CFAP95: variants seen among roughly 807,000 people sequenced by gnomAD.
CFAP95 encodes cilia- and flagella-associated protein 95.
chr9:69,894,198 T>C, the CFAP95 span, among the ~76,000 whole-genome samples: 1 of 152,218 alleles, frequency 6.6e-6, no homozygotes, highest in East Asian at 1.9e-4. Context: ...TTTTATATAG[T>C]TTTATAAACA....
At chr9:69,889,609 G>A in the CFAP95 span, among the ~76,000 whole-genome samples, 6,055 of 152,116 alleles carry the variant, frequency 0.04, 356 homozygotes, top group African/African-American at 0.14. Context: ...CCTCTGAATT[G>A]TTGGGAAGGT....
the CFAP95 span, among the ~76,000 whole-genome samples, chr9:69,846,875 C>T: frequency 3.3e-5 from 5 of 152,180 alleles, no homozygotes; most frequent in Admixed American, 2.6e-4. Context: ...TAGATTAAAC[C>T]AGTATGAGTA....
chr9:69,822,541 A>G, the CFAP95 span, among the ~76,000 whole-genome samples: 3 of 152,216 alleles, frequency 2.0e-5, no homozygotes, highest in Non-Finnish European at 4.4e-5. Flanking sequence ...CAAAACACTT[A>G]GCTCTTCTGT....
At chr9:69,902,914 G>C in the CFAP95 span, among the ~76,000 whole-genome samples, 1 of 151,974 alleles carries the variant, frequency 6.6e-6, no homozygotes, top group African/African-American at 2.4e-5. Context: ...CTGCTCCCTT[G>C]GTTTTGACCC....
the CFAP95 span, among the ~76,000 whole-genome samples, chr9:69,837,536 G>C: frequency 0.025 from 3,783 of 152,290 alleles, 162 homozygotes; most frequent in African/African-American, 0.086. Flanking sequence ...CTTCTTTTGA[G>C]AAGTGTCTGT....
the CFAP95 span, chr9:69,856,691 C>G: frequency 1.3e-6 from 2 of 1,559,758 alleles, no homozygotes; most frequent in Admixed American, 3.5e-5. Flanking sequence ...TAATACTTTT[C>G]TTTACTTTAT....
chr9:69,852,748 C>CT, the CFAP95 span, among the ~76,000 whole-genome samples: 2 of 152,128 alleles, frequency 1.3e-5, no homozygotes, highest in Non-Finnish European at 2.9e-5. Flanking sequence ...CTTGTAGCTC[C>CT]TATAACGTGG....
chr9:69,824,083 G>A, the CFAP95 span, among the ~76,000 whole-genome samples: 2 of 152,238 alleles, frequency 1.3e-5, no homozygotes, highest in African/African-American at 4.8e-5. Context: ...GAGCTCCATA[G>A]GGCAGAAAAG....
chr9:69,858,779 C>T, the CFAP95 span, among the ~76,000 whole-genome samples: 2 of 152,142 alleles, frequency 1.3e-5, no homozygotes, highest in African/African-American at 4.8e-5. Flanking sequence ...TAGAACATTA[C>T]TGTGAACAAA....
the CFAP95 span, chr9:69,844,473 T>C: frequency 4.6e-6 from 6 of 1,295,960 alleles, no homozygotes; most frequent in South Asian, 8.6e-5. Context: ...CAATACAGAA[T>C]AAATAAACTA....
chr9:69,882,870 G>T, the CFAP95 span, among the ~76,000 whole-genome samples: 2 of 151,960 alleles, frequency 1.3e-5, no homozygotes, highest in African/African-American at 4.8e-5. Flanking sequence ...TTGAGGATTT[G>T]TGCATCAATA....
chr9:69,825,879 T>G, the CFAP95 span, among the ~76,000 whole-genome samples: 1 of 152,198 alleles, frequency 6.6e-6, no homozygotes, highest in East Asian at 1.9e-4. Flanking sequence ...GAGACAGTTC[T>G]TGCTCTGGTC....
chr9:69,856,739 A>G, the CFAP95 span: 4 of 1,118,412 alleles, frequency 3.6e-6, no homozygotes, highest in Admixed American at 7.9e-5. Context: ...TATAAGTAGC[A>G]AAAAGGTATA....
chr9:69,821,517 T>C, the CFAP95 span, among the ~76,000 whole-genome samples: 2 of 152,058 alleles, frequency 1.3e-5, no homozygotes, highest in African/African-American at 4.8e-5. Context: ...CACTTACTCA[T>C]AAAAGGAATT....
At chr9:69,906,201 A>G in the CFAP95 span, 29 of 1,313,816 alleles carry the variant, frequency 2.2e-5, no homozygotes, top group South Asian at 3.8e-4. Flanking sequence ...ATGATTTTCT[A>G]TCTTAATAAA....
chr9:69,851,481 A>G, the CFAP95 span, among the ~76,000 whole-genome samples: 2 of 152,158 alleles, frequency 1.3e-5, no homozygotes, highest in Non-Finnish European at 2.9e-5. Context: ...GTAAGTCTGC[A>G]GAGGGAAGTG....
the CFAP95 span, among the ~76,000 whole-genome samples, chr9:69,839,323 T>C: frequency 2.0e-5 from 3 of 149,044 alleles, no homozygotes; most frequent in Non-Finnish European, 4.5e-5. Context: ...CAGTTCCTCC[T>C]TGTACCTCTG....
chr9:69,844,680 A>C, the CFAP95 span: 4 of 1,322,106 alleles, frequency 3.0e-6, no homozygotes, highest in South Asian at 4.9e-5. Flanking sequence ...ATAGTGAAAC[A>C]TAAAAAGGTA....
chr9:69,853,288 G>T, the CFAP95 span, among the ~76,000 whole-genome samples: 2 of 152,104 alleles, frequency 1.3e-5, no homozygotes, highest in African/African-American at 4.8e-5. Context: ...GTGTCTACTG[G>T]ATTTACTTCC....
Sources: allele counts gnomAD v4.1 joint callset (sites outside exome capture counted in the v4.1 genomes callset), GRCh38; gene constraint gnomAD v4.1.1; transcripts MANE v1.5; gene names NCBI Gene and HGNC (gene_info 2026-07-23, HGNC 2026-07-21).